The following DOCK3 variants were observed in gnomAD, a reference collection of about 807,000 sequenced individuals.
The protein encoded by DOCK3 is dedicator of cytokinesis protein 3.
Under a neutral mutation model 265.6 loss-of-function variants are expected in DOCK3, and 60 were observed. The observed-to-expected ratio is 0.23, with a 90% CI of 0.18 to 0.28. The LOEUF (loss-of-function observed/expected upper bound fraction) is 0.28. DOCK3 is among the 10% of genes least tolerant of loss of function. DOCK3 has a pLI of 1.00. For synonymous variants in DOCK3, 881 were observed against 938.0 expected, an observed-to-expected ratio of 0.94 and a Z score of 1.11; for missense variants, 1,981 against 2,594.3, an observed-to-expected ratio of 0.76 and a Z score of 5.14.
In DOCK3 at chr3:50,675,830, G is replaced by T. The variant is rs2033912423; in HGVS notation, c.37+530G>T. 6.6e-6 allele frequency among the ~76,000 whole-genome samples: 1 copy of T among 152,008 alleles called. No homozygotes were observed. Among genetic ancestry groups the T allele is most frequent in the South Asian group, 2.1e-4 (1 of 4,814 alleles). ...TTAATTTGTTTTGCCTTTAGTATTA[G>T]AAATAATACCTTACGATGGGAAATG... On this transcript the variant is annotated intron_variant, in intron 1 of 52. Transcript: ENST00000266037. The surrounding 1 kb of genome is among the most constrained non-coding windows in gnomAD (Gnocchi z 6.1).
At chr3:50,822,673 T>G (rs939180795) in intron 2 of DOCK3, among the ~76,000 whole-genome samples, 4 of 151,984 alleles carry the variant, frequency 2.6e-5, no homozygotes, top group Non-Finnish European at 2.9e-5. Context: ...ATTTTTAAAT[T>G]TTTTTCATAG....
chr3:51,089,476 C>T (rs1243610239), intron 8 of DOCK3, among the ~76,000 whole-genome samples, 192 bp downstream of exon 8: 1 of 151,946 alleles, frequency 6.6e-6, no homozygotes, highest in African/African-American at 2.4e-5. Context: ...TGCATAAGCA[C>T]AATTAAAGCA....
At chr3:50,869,007 C>A (rs1362397271) in intron 3 of DOCK3, among the ~76,000 whole-genome samples, 1 of 136,004 alleles carries the variant, frequency 7.4e-6, no homozygotes, top group Non-Finnish European at 1.5e-5. Flanking sequence ...TGGAGTCTCG[C>A]TCTGTCGCCC....
intron 1 of DOCK3, among the ~76,000 whole-genome samples, chr3:50,733,006 T>G (rs1215324536): frequency 6.6e-6 from 1 of 152,158 alleles, no homozygotes; most frequent in African/African-American, 2.4e-5. Flanking sequence ...GGTCTTGAAC[T>G]CCTGAGTTCA....
At chr3:51,179,184 A>T (rs1415958565) in intron 12 of DOCK3, among the ~76,000 whole-genome samples, 1 of 152,208 alleles carries the variant, frequency 6.6e-6, no homozygotes, top group South Asian at 2.1e-4. Context: ...CTTGTGAAAC[A>T]TTTACAAAAA....
At chr3:50,810,549 AT>A (rs1559669963) in intron 2 of DOCK3, among the ~76,000 whole-genome samples, 3 of 151,818 alleles carry the variant, frequency 2.0e-5, no homozygotes, top group South Asian at 2.1e-4. Flanking sequence ...TCTGAAAAAA[AT>A]TTTTTTTTAA....
chr3:51,343,650 C>T (rs1233097420), intron 38 of DOCK3, among the ~76,000 whole-genome samples: 2 of 152,216 alleles, frequency 1.3e-5, no homozygotes, highest in African/African-American at 4.8e-5. Flanking sequence ...TGCATTGCAC[C>T]TGTAGTACAC....
At chr3:51,034,275 C>T (rs1009510902) in intron 5 of DOCK3, among the ~76,000 whole-genome samples, 1 of 151,974 alleles carries the variant, frequency 6.6e-6, no homozygotes, top group Non-Finnish European at 1.5e-5. Context: ...CTTTGTATTC[C>T]TAGCATTTCA....
chr3:51,223,129 G>T (rs1231959977), intron 14 of DOCK3, among the ~76,000 whole-genome samples: 1 of 152,110 alleles, frequency 6.6e-6, no homozygotes, highest in African/African-American at 2.4e-5. Flanking sequence ...GTTTTGAAGA[G>T]CCTCACTATA....
chr3:50,739,969 A>G lies in DOCK3; in HGVS notation c.38-38706A>G, dbSNP rs2038908077. 2.0e-5 allele frequency among the ~76,000 whole-genome samples: 3 copies of G among 152,104 alleles called. No individual in the cohort carries two copies. In the South Asian group the frequency reaches 6.2e-4, roughly 32 times the overall value. On this transcript the variant is annotated intron_variant, in intron 1 of 52. Coordinates refer to ENST00000266037, the MANE Select transcript of DOCK3 (RefSeq NM_004947.5). ...ATTCATCACTGTAATCACTCCCAGA[A>G]GTTTCTTAAGCCTCTTTTTAATCCT... is the stretch of plus-strand genomic sequence containing the variant.
intron 5 of DOCK3, among the ~76,000 whole-genome samples, chr3:51,021,283 A>G (rs1304247956): frequency 4.0e-5 from 6 of 149,848 alleles, no homozygotes; most frequent in South Asian, 2.1e-4. Context: ...ACACATAATC[A>G]TCAGATTCTC....
At chr3:51,059,493 A>ACACACC (rs1491303763) in intron 5 of DOCK3, among the ~76,000 whole-genome samples, 7 of 121,132 alleles carry the variant, frequency 5.8e-5, no homozygotes, top group African/African-American at 1.9e-4. Context: ...ACACACACAC[A>ACACACC]CCCCACATCC....
chr3:51,358,160 T>C, intron 46 of DOCK3, 83 bp downstream of exon 46: 3 of 1,422,218 alleles, frequency 2.1e-6, no homozygotes, highest in South Asian at 2.4e-5. Flanking sequence ...CAAAGGAAAA[T>C]AGGAGAGAGG....
chr3:51,346,957 A>G (rs1237285673), intron 38 of DOCK3, among the ~76,000 whole-genome samples: 2 of 152,284 alleles, frequency 1.3e-5, no homozygotes, highest in East Asian at 3.9e-4. Flanking sequence ...GTGTCTGTTC[A>G]TATCCTTTGC....
At chr3:50,739,032 A>C (rs977363723) in intron 1 of DOCK3, among the ~76,000 whole-genome samples, 1 of 152,120 alleles carries the variant, frequency 6.6e-6, no homozygotes, top group Non-Finnish European at 1.5e-5. Flanking sequence ...TACTGTACTA[A>C]TGTTTTGGGT....
chr3:50,907,413 C>T (rs1191152299), intron 4 of DOCK3, among the ~76,000 whole-genome samples: 1 of 152,042 alleles, frequency 6.6e-6, no homozygotes, highest in Non-Finnish European at 1.5e-5. Flanking sequence ...TCTCTAAGGA[C>T]TTGCTTTATG....
intron 23 of DOCK3, among the ~76,000 whole-genome samples, chr3:51,269,978 T>C (rs2080412917): frequency 6.6e-6 from 1 of 152,212 alleles, no homozygotes; most frequent in Non-Finnish European, 1.5e-5. Flanking sequence ...AACTCGTGTC[T>C]AATTCCAAAA....
At chr3:50,793,601 ACCTG>A (rs2042611669) in intron 2 of DOCK3, among the ~76,000 whole-genome samples, 1 of 151,640 alleles carries the variant, frequency 6.6e-6, no homozygotes, top group Non-Finnish European at 1.5e-5. Flanking sequence ...CACGTGATCC[ACCTG>A]CCTCAGCCTC....
At chr3:51,324,770 A>G (rs867888688) in intron 32 of DOCK3, among the ~76,000 whole-genome samples, 4 of 152,344 alleles carry the variant, frequency 2.6e-5, no homozygotes, top group East Asian at 3.9e-4. Flanking sequence ...ACATGCATCT[A>G]CAACCATCTG....
Sources: gnomAD v4.1 joint callset for allele counts (sites outside exome capture counted in the v4.1 genomes callset) on GRCh38, gnomAD v4.1.1 for gene constraint, Gnocchi (gnomAD v3.1) non-coding constraint, MANE v1.5 for transcripts, NCBI Gene and HGNC (gene_info 2026-07-23, HGNC 2026-07-21) for gene names.